AGBL1: variants seen among roughly 807,000 people sequenced by gnomAD.
AGBL1 encodes AGBL carboxypeptidase 1.
AGBL1 carries 130 observed loss-of-function variants against 118.9 expected under a neutral mutation model. That is an observed-to-expected ratio of 1.09 (90% confidence interval 0.95 to 1.26). AGBL1 has a LOEUF of 1.26. Among genes scored for constraint, AGBL1 ranks in the 50% most tolerant of loss-of-function variants. The pLI is 0.00. For synonymous variants in AGBL1, 555 were observed against 478.9 expected, an observed-to-expected ratio of 1.16 and a Z score of -2.08; for missense variants, 1,584 against 1,298.1, an observed-to-expected ratio of 1.22 and a Z score of -3.38.
chr15:86,422,482 A>C (rs71399830), intron 18 of AGBL1, among the ~76,000 whole-genome samples: 1 of 152,250 alleles, frequency 6.6e-6, no homozygotes, highest in Non-Finnish European at 1.5e-5. Context: ...CTAAATGCCC[A>C]CAGGAGAAAG....
chr15:86,910,853 A>G lies in AGBL1; in HGVS notation c.*3559A>G, dbSNP rs967549997. 6.6e-6 allele frequency: 1 copy of G among 152,116 alleles called. No individual in the cohort carries two copies. The highest frequency in any genetic ancestry group is 1.5e-5 in the Non-Finnish European group (1 of 68,046). 9.4% of individuals were successfully genotyped at this position (152,116 alleles called of 1,614,324 possible). On this transcript the variant is annotated 3_prime_UTR_variant, in exon 23 of 23. Transcript: ENST00000614907. ...GATTGGAGGGAAGAGGGGACTTGGG[A>G]GCAGACCTCTCTCCTTTCCTGCTAG...
intron 22 of AGBL1, among the ~76,000 whole-genome samples, chr15:86,825,705 G>C (rs1239156539): frequency 4.9e-5 from 6 of 122,280 alleles, no homozygotes; most frequent in African/African-American, 1.9e-4. Context: ...GGGAGGGAGG[G>C]AGAAAGCGAG....
rs570942544 is a variant in AGBL1, at chr15:86,684,482, C to T, written c.3158+10046C>T. ...TTCTCTCTTTTTTTTTTTCTTTTTT[C>T]TCTTCTATTTCTTTTTGTTTTTGAG... is the stretch of plus-strand genomic sequence containing the variant. On this transcript the variant is annotated intron_variant, in intron 22 of 22. Transcript: ENST00000614907. 3.0e-3 allele frequency among the ~76,000 whole-genome samples: 380 copies of T among 127,104 alleles called. 1 individual carries two copies. Among genetic ancestry groups the T allele is most frequent in the Non-Finnish European group, 4.8e-3 (285 of 59,502 alleles). 83.4% of individuals were successfully genotyped at this position (127,104 alleles called of 152,430 possible). A position where few individuals can be genotyped will look rare whatever the true frequency, so the allele number is the denominator to read the frequency against.
At chr15:86,801,310 C>CATCTATATATCTATCT (rs1555451585) in intron 22 of AGBL1, among the ~76,000 whole-genome samples, 1 of 147,194 alleles carries the variant, frequency 6.8e-6, no homozygotes, top group South Asian at 2.2e-4. Flanking sequence ...TTGATGATTA[C>CATCTATATATCTATCT]ATCTATCTAT....
At position 86,828,241 on chromosome 15, in the gene AGBL1, C is replaced by G. The variant is rs992768619; in HGVS notation, c.3159-78846C>G. 5.9e-5 allele frequency among the ~76,000 whole-genome samples: 9 copies of G among 151,990 alleles called. No homozygotes were observed. The East Asian group carries it at 1.8e-3, about 30-fold the overall frequency. On this transcript the variant is annotated intron_variant, in intron 22 of 22. Coordinates refer to ENST00000614907, the MANE Select transcript of AGBL1 (RefSeq NM_001386094.1). ...TACAGCCATGAGCCACTGTGCTCAG[C>G]CTGTCGTACGACTTTTTTATGGCAA...
chr15:86,214,665 TG>T (rs754697420), intron 5 of AGBL1, among the ~76,000 whole-genome samples: 2 of 152,244 alleles, frequency 1.3e-5, no homozygotes, highest in African/African-American at 2.4e-5. Context: ...TTCCCAGTGC[TG>T]GGGATTCCCA....
Position 86,264,903 on chromosome 15 carries a change from G to T in AGBL1, c.1667+65G>T. ...CTTTGATAATTTTATAAGTAAAATG[G>T]TTTGTACAGATAATTCTACTATCTA... is the stretch of plus-strand genomic sequence containing the variant. On this transcript the variant is annotated intron_variant, in intron 11 of 22. Transcript: ENST00000614907. 3 of 1,370,654 alleles carry T rather than the reference G, an allele frequency of 2.2e-6. No homozygotes were observed. In the South Asian group the frequency reaches 4.3e-5, roughly 20 times the overall value. The allele number at this position is 1,370,654 out of a possible 1,614,324, so 84.9% of individuals were successfully genotyped here.
At chr15:86,663,133 C>A (rs1349079076) in intron 21 of AGBL1, among the ~76,000 whole-genome samples, 1 of 152,056 alleles carries the variant, frequency 6.6e-6, no homozygotes, top group Non-Finnish European at 1.5e-5. Context: ...CCTGCTCATA[C>A]CCACCAAGTG....
In AGBL1 at chr15:86,636,752, T is replaced by C. The variant is rs1239409585; in HGVS notation, c.2995-37521T>C. Among the ~76,000 whole-genome samples the C allele has an allele frequency of 4.1e-3, 248 of 60,322 alleles. 11 individuals are homozygous for C. The highest frequency in any genetic ancestry group is 4.3e-3 in the Non-Finnish European group (155 of 36,108). 39.6% of individuals were successfully genotyped at this position (60,322 alleles called of 152,430 possible). ...ATATATATATATATATATATATATA[T>C]ATATATACACATACATACAGAAAGG... On this transcript the variant is annotated intron_variant, in intron 21 of 22. Coordinates refer to ENST00000614907, the MANE Select transcript of AGBL1 (RefSeq NM_001386094.1).
intron 21 of AGBL1, among the ~76,000 whole-genome samples, chr15:86,585,889 C>T (rs1300888477): frequency 6.6e-6 from 1 of 152,126 alleles, no homozygotes; most frequent in Non-Finnish European, 1.5e-5. Context: ...AGACAAGGAG[C>T]TCAGAGTTCT....
At chr15:86,113,840 T>C (rs1897589545) in intron 1 of AGBL1, among the ~76,000 whole-genome samples, 2 of 152,194 alleles carry the variant, frequency 1.3e-5, no homozygotes. Flanking sequence ...TCCTCAAACT[T>C]GCTAGGTAGT....
rs540098483 is a variant in AGBL1 at position 86,507,668 on chromosome 15, C to T, written c.2556-15142C>T. On this transcript the variant is annotated intron_variant, in intron 18 of 22. Transcript: ENST00000614907. ...TGATGAGATGACATTTGAACAGAAACTTGAGAGAGTAAACCATGGATATTT... is the reference window on the plus strand; with the variant it reads ...TGATGAGATGACATTTGAACAGAAATTTGAGAGAGTAAACCATGGATATTT... 2.0e-5 allele frequency among the ~76,000 whole-genome samples: 3 copies of T among 152,044 alleles called. No individual in the cohort carries two copies. The South Asian group carries it at 6.2e-4, about 32-fold the overall frequency.
chr15:86,808,890 C>T (rs2078752797), intron 22 of AGBL1, among the ~76,000 whole-genome samples: 2 of 151,880 alleles, frequency 1.3e-5, no homozygotes, highest in Non-Finnish European at 2.9e-5. Flanking sequence ...TGGATTTTCT[C>T]TTTTTTTCTG....
At chr15:86,508,920 A>G (rs1186514227) in intron 18 of AGBL1, among the ~76,000 whole-genome samples, 15 of 152,188 alleles carry the variant, frequency 9.9e-5, no homozygotes, top group Non-Finnish European at 2.2e-4. Flanking sequence ...GCATTTTGCT[A>G]AGTGCCTTAA....
intron 22 of AGBL1, among the ~76,000 whole-genome samples, chr15:86,751,518 A>T (rs926240681): frequency 1.3e-5 from 2 of 152,148 alleles, no homozygotes; most frequent in African/African-American, 4.8e-5. Context: ...AAAAGCAAAA[A>T]CTGACAAATG....
chr15:86,801,843 T>C (rs999092643), intron 22 of AGBL1, among the ~76,000 whole-genome samples: 1 of 152,098 alleles, frequency 6.6e-6, no homozygotes, highest in Non-Finnish European at 1.5e-5. Context: ...GGTTATTACA[T>C]GTGCCCTCTG....
At chr15:86,350,114 C>T (rs929382698) in intron 17 of AGBL1, among the ~76,000 whole-genome samples, 4 of 152,196 alleles carry the variant, frequency 2.6e-5, no homozygotes, top group Non-Finnish European at 4.4e-5. Context: ...TGAGTTTTGC[C>T]TGGGAAATAC....
At chr15:86,315,748 C>T (rs1322266611) in intron 17 of AGBL1, among the ~76,000 whole-genome samples, 1 of 144,698 alleles carries the variant, frequency 6.9e-6, no homozygotes, top group African/African-American at 2.6e-5. Context: ...ATATGTAAAA[C>T]ACAGTGCTAG....
chr15:86,880,020 C>A (rs1212796052), intron 22 of AGBL1, among the ~76,000 whole-genome samples: 1 of 152,188 alleles, frequency 6.6e-6, no homozygotes, highest in Admixed American at 6.5e-5. Flanking sequence ...TAACCTTGGC[C>A]TGAGACTAGT....
Sources: allele counts gnomAD v4.1 joint callset (sites outside exome capture counted in the v4.1 genomes callset), GRCh38; gene constraint gnomAD v4.1.1; transcripts MANE v1.5; gene names NCBI Gene and HGNC (gene_info 2026-07-23, HGNC 2026-07-21).